Variants in RAPGEF2 observed in about 807,000 individuals in gnomAD.
RAPGEF2 encodes Rap guanine nucleotide exchange factor 2, also known as PDZ domain containing guanine nucleotide exchange factor (GEF) 1.
RAPGEF2 carries 54 observed loss-of-function variants against 186.7 expected under a neutral mutation model. The observed-to-expected ratio is 0.29, with a 90% CI of 0.23 to 0.36. The LOEUF (loss-of-function observed/expected upper bound fraction) is 0.36. RAPGEF2 is among the 10% of genes least tolerant of loss of function. RAPGEF2 has a pLI of 1.00. For synonymous variants in RAPGEF2, 712 were observed against 705.9 expected (o/e 1.01, Z -0.14); for missense variants, 1,532 against 2,045.0 (o/e 0.75, Z 4.84).
At chr4:159,340,667 C>CCACACA (rs3071283) in intron 19 of RAPGEF2, among the ~76,000 whole-genome samples, 7,521 of 76,820 alleles carry the variant, frequency 0.098, 1,281 homozygotes, top group Middle Eastern at 0.12. Flanking sequence ...ACCACCATCA[C>CCACACA]CACACACACA....
chr4:159,107,340 T>C (rs1172156249), intron 1 of RAPGEF2, among the ~76,000 whole-genome samples: 1 of 152,186 alleles, frequency 6.6e-6, no homozygotes, highest in East Asian at 1.9e-4. Context: ...GTAAATAAAT[T>C]ACAAACAGCT....
At chr4:159,232,924 C>G (rs565512264) in intron 4 of RAPGEF2, among the ~76,000 whole-genome samples, 17 of 152,264 alleles carry the variant, frequency 1.1e-4, no homozygotes, top group African/African-American at 3.9e-4. Context: ...ACTCAAGATG[C>G]TGAGAATCTT....
At chr4:159,254,074 A>G (rs1287476682) in intron 7 of RAPGEF2, among the ~76,000 whole-genome samples, 1 of 152,262 alleles carries the variant, frequency 6.6e-6, no homozygotes, top group Non-Finnish European at 1.5e-5. Flanking sequence ...TTCTCGCTTC[A>G]TCATACAGAA....
chr4:159,186,186 A>T (rs768144490), intron 1 of RAPGEF2, among the ~76,000 whole-genome samples: 32 of 151,918 alleles, frequency 2.1e-4, no homozygotes, highest in Non-Finnish European at 3.4e-4. Context: ...TCTATATAAG[A>T]TGTAATTTTG....
intron 11 of RAPGEF2, chr4:159,328,332 A>G (rs1766214966): frequency 6.6e-6 from 1 of 152,166 alleles, no homozygotes; most frequent in Non-Finnish European, 1.5e-5. Flanking sequence ...TTAATGTGAT[A>G]CTATAAGCAA....
intron 1 of RAPGEF2, among the ~76,000 whole-genome samples, chr4:159,165,790 G>A (rs1020982392): frequency 1.3e-5 from 2 of 152,050 alleles, no homozygotes; most frequent in Non-Finnish European, 2.9e-5. Flanking sequence ...TTGGGGTCTC[G>A]CTATGTTGCC....
intron 1 of RAPGEF2, among the ~76,000 whole-genome samples, chr4:159,104,682 C>T (rs1439551997): frequency 6.6e-6 from 1 of 152,100 alleles, no homozygotes; most frequent in African/African-American, 2.4e-5. Context: ...GACTCTTGCT[C>T]CCTCTGACTC....
At chr4:159,324,262 A>C (rs559885593) in intron 11 of RAPGEF2, among the ~76,000 whole-genome samples, 1 of 150,382 alleles carries the variant, frequency 6.6e-6, no homozygotes, top group Admixed American at 6.6e-5. Flanking sequence ...TCCTGACCTC[A>C]AGTGATCCCC....
At chr4:159,297,108 T>C (rs7679267) in intron 7 of RAPGEF2, among the ~76,000 whole-genome samples, 3,849 of 152,272 alleles carry the variant, frequency 0.025, 157 homozygotes, top group African/African-American at 0.085. Flanking sequence ...CATAAAGATA[T>C]ATATTTGGAC....
At position 159,155,141 on chromosome 4, in the gene RAPGEF2, GTT is replaced by G. The variant is rs534011618; in HGVS notation, c.70-31499_70-31498del. 1.5e-4 allele frequency among the ~76,000 whole-genome samples: 23 copies of G among 152,276 alleles called. No individual in the cohort carries two copies. In the South Asian group the frequency reaches 4.6e-3, roughly 30 times the overall value. On this transcript the variant is annotated intron_variant, in intron 1 of 29. Transcript: ENST00000691494. ...ACACAGTGAAACTGTCAGCTAGTATGTTTCCTGTGATTCTCAAATTAGGGACA... is the reference window on the plus strand; with the variant it reads ...ACACAGTGAAACTGTCAGCTAGTATGTCCTGTGATTCTCAAATTAGGGACA...
intron 3 of RAPGEF2, among the ~76,000 whole-genome samples, chr4:159,208,758 T>C (rs946575598): frequency 2.0e-5 from 3 of 152,198 alleles, no homozygotes; most frequent in South Asian, 2.1e-4. Flanking sequence ...AAATAACTTA[T>C]TCATGGCAGA....
chr4:159,149,809 T>C (rs1375051942), intron 1 of RAPGEF2, among the ~76,000 whole-genome samples: 1 of 152,226 alleles, frequency 6.6e-6, no homozygotes, highest in Non-Finnish European at 1.5e-5. Context: ...TGGGTAGTTT[T>C]ACCCATTGTT....
intron 7 of RAPGEF2, among the ~76,000 whole-genome samples, chr4:159,258,392 T>C (rs1269650563): frequency 6.6e-6 from 1 of 152,224 alleles, no homozygotes; most frequent in Non-Finnish European, 1.5e-5. Flanking sequence ...ATATTTTCTA[T>C]ATTGAGATGG....
At chr4:159,131,688 C>T (rs770448740) in intron 1 of RAPGEF2, among the ~76,000 whole-genome samples, 9 of 151,716 alleles carry the variant, frequency 5.9e-5, no homozygotes, top group African/African-American at 1.9e-4. Context: ...GCTTGATTAA[C>T]GTCTTTCGCG....
intron 8 of RAPGEF2, among the ~76,000 whole-genome samples, chr4:159,305,911 G>C (rs1014226710): frequency 6.6e-6 from 1 of 151,972 alleles, no homozygotes; most frequent in Non-Finnish European, 1.5e-5. Context: ...TTATCGAAAA[G>C]GGTGGCTTTT....
At chr4:159,290,067 A>G (rs1255084488) in intron 7 of RAPGEF2, among the ~76,000 whole-genome samples, 1 of 152,124 alleles carries the variant, frequency 6.6e-6, no homozygotes, top group Admixed American at 6.6e-5. Context: ...GTATTTTCCT[A>G]TCGTGTTTTA....
chr4:159,281,671 CA>C (rs11346544), intron 7 of RAPGEF2, among the ~76,000 whole-genome samples: 34,599 of 85,190 alleles, frequency 0.41, 3,359 homozygotes, highest in Non-Finnish European at 0.43. Flanking sequence ...AACTTGATTT[CA>C]AAAAAAAAAA....
intron 26 of RAPGEF2, among the ~76,000 whole-genome samples, chr4:159,352,112 G>A (rs930553020): frequency 9.9e-5 from 15 of 152,160 alleles, no homozygotes; most frequent in Non-Finnish European, 2.1e-4. Flanking sequence ...CCTTCAAAAC[G>A]ATTGGCTTTT....
intron 13 of RAPGEF2, among the ~76,000 whole-genome samples, chr4:159,330,832 G>A (rs28409785): frequency 0.017 from 2,647 of 152,116 alleles, 77 homozygotes; most frequent in African/African-American, 0.059. Flanking sequence ...TTCTAGTTTG[G>A]TAGTAAGTGT....
Sources: gnomAD v4.1 joint callset for allele counts (sites outside exome capture counted in the v4.1 genomes callset) on GRCh38, gnomAD v4.1.1 for gene constraint, MANE v1.5 for transcripts, NCBI Gene and HGNC (gene_info 2026-07-23, HGNC 2026-07-21) for gene names.